TAFA2: variants seen among roughly 807,000 people sequenced by gnomAD.
TAFA2 encodes chemokine-like protein TAFA-2.
A neutral mutation model predicts 18.8 loss-of-function variants in TAFA2; 7 were observed. The ratio of observed to expected loss-of-function variants is 0.37; its 90% CI spans 0.21 to 0.70. TAFA2 has a LOEUF of 0.70. TAFA2 is among the 30% of genes least tolerant of loss of function. The probability of loss-of-function intolerance (pLI) is 0.53; values close to 1 mark genes in which losing one functional copy is unlikely to be tolerated. For missense variants in TAFA2, 122 were observed against 158.1 expected (o/e 0.77, Z 1.23); for synonymous variants, 60 against 54.2 (o/e 1.11, Z -0.47).
chr12:61,778,091 C>T (rs1565630602), intron 2 of TAFA2, among the ~76,000 whole-genome samples: 1 of 151,722 alleles, frequency 6.6e-6, no homozygotes, highest in African/African-American at 2.4e-5. Flanking sequence ...TCTCAGGTGA[C>T]TCAGTGTTAA....
chr12:62,147,466 C>T (rs1164588281), intron 1 of TAFA2, among the ~76,000 whole-genome samples: 3 of 149,830 alleles, frequency 2.0e-5, no homozygotes, highest in Non-Finnish European at 4.4e-5. Context: ...CATGGTGGCT[C>T]ACGCCTGTAA....
At chr12:62,118,499 C>T (rs369940224) in intron 1 of TAFA2, among the ~76,000 whole-genome samples, 1 of 151,966 alleles carries the variant, frequency 6.6e-6, no homozygotes, top group Non-Finnish European at 1.5e-5. Context: ...GAGTATAATT[C>T]TGAAGTCATA....
chr12:61,969,511 A>C (rs1201113958), intron 1 of TAFA2, among the ~76,000 whole-genome samples: 1 of 151,702 alleles, frequency 6.6e-6, no homozygotes, highest in Non-Finnish European at 1.5e-5. Context: ...GAGTGCCTAA[A>C]TCTTATATTC....
chr12:62,099,268 A>T (rs9668833), intron 1 of TAFA2, among the ~76,000 whole-genome samples: 28,279 of 152,122 alleles, frequency 0.19, 2,881 homozygotes, highest in East Asian at 0.39. Flanking sequence ...AATGAAAAAA[A>T]AAGTGAATTG....
intron 2 of TAFA2, among the ~76,000 whole-genome samples, chr12:61,823,618 G>A (rs1565646451): frequency 6.6e-6 from 1 of 152,056 alleles, no homozygotes; most frequent in Non-Finnish European, 1.5e-5. Context: ...ATTCTGCATT[G>A]GTGTAACTCC....
intron 1 of TAFA2, among the ~76,000 whole-genome samples, chr12:62,189,608 G>A (rs1163710190): frequency 6.6e-6 from 1 of 152,182 alleles, no homozygotes; most frequent in East Asian, 1.9e-4. Context: ...AAAGGCTGGG[G>A]TAAGTACAAA....
rs988003625 is a variant in TAFA2, at chr12:61,828,849, T to C, written c.106+38471A>G. On this transcript the variant is annotated intron_variant, in intron 2 of 4. Transcript: ENST00000416284. Reference sequence around the variant, plus strand: ...TCAAATTGATTTTAATCAAATCTCTTGGCCTTCACCAACAGTAGCTTTCAG... The same window carrying C: ...TCAAATTGATTTTAATCAAATCTCTCGGCCTTCACCAACAGTAGCTTTCAG... Among the ~76,000 whole-genome samples the C allele has an allele frequency of 9.9e-5, 15 of 151,804 alleles. 1 individual carries two copies. The highest frequency in any genetic ancestry group is 7.4e-5 in the Non-Finnish European group (5 of 67,766).
intron 1 of TAFA2, among the ~76,000 whole-genome samples, chr12:61,992,018 T>G (rs537407779): frequency 1.3e-5 from 2 of 152,302 alleles, no homozygotes; most frequent in South Asian, 4.1e-4. Context: ...CCTCTAAACG[T>G]TCATATAACT....
chr12:62,113,163 GT>G (rs1206015604), intron 1 of TAFA2, among the ~76,000 whole-genome samples: 3 of 152,106 alleles, frequency 2.0e-5, no homozygotes, highest in African/African-American at 7.2e-5. Context: ...CGGATCGGGT[GT>G]TTGTGTGGCT....
At chr12:61,866,683 G>A (rs1466259393) in intron 2 of TAFA2, among the ~76,000 whole-genome samples, 2 of 152,202 alleles carry the variant, frequency 1.3e-5, no homozygotes, top group East Asian at 3.9e-4. Flanking sequence ...CTGTTCAGTG[G>A]CAGAATTGAG....
chr12:61,876,613 C>T (rs551044293), intron 1 of TAFA2, among the ~76,000 whole-genome samples: 2 of 152,074 alleles, frequency 1.3e-5, no homozygotes, highest in East Asian at 1.9e-4. Flanking sequence ...GTTGCATATC[C>T]GAAGGCCTCT....
intron 2 of TAFA2, among the ~76,000 whole-genome samples, chr12:61,864,349 T>G (rs1874253689): frequency 6.7e-6 from 1 of 149,426 alleles, no homozygotes; most frequent in African/African-American, 2.4e-5. Flanking sequence ...ATATATGGTA[T>G]ATATTTCTAT....
At chr12:61,962,929 T>C (rs1380887846) in intron 1 of TAFA2, among the ~76,000 whole-genome samples, 1 of 151,864 alleles carries the variant, frequency 6.6e-6, no homozygotes, top group East Asian at 1.9e-4. Context: ...GCTGTGTCCA[T>C]GTGTTCTCAC....
intron 1 of TAFA2, among the ~76,000 whole-genome samples, chr12:62,097,682 A>T (rs1869010658): frequency 6.6e-6 from 1 of 152,184 alleles, no homozygotes; most frequent in Admixed American, 6.5e-5. Context: ...TTACAGGGAC[A>T]TTGCAGTAAT....
chr12:61,970,392 A>G (rs1879207345), intron 1 of TAFA2, among the ~76,000 whole-genome samples: 1 of 151,622 alleles, frequency 6.6e-6, no homozygotes, highest in Admixed American at 6.6e-5. Context: ...ACAAAAGAAA[A>G]AATACAATGT....
At chr12:62,071,997 G>A (rs894744899) in intron 1 of TAFA2, among the ~76,000 whole-genome samples, 3 of 152,064 alleles carry the variant, frequency 2.0e-5, no homozygotes, top group Admixed American at 6.5e-5. Context: ...CATAAGCAAG[G>A]CAACTAAACT....
chr12:61,878,548 T>C (rs561830198), intron 1 of TAFA2, among the ~76,000 whole-genome samples: 19 of 152,192 alleles, frequency 1.2e-4, no homozygotes, highest in Non-Finnish European at 2.8e-4. Context: ...ACTACTTTAT[T>C]TCCAGCATTT....
chr12:61,998,838 C>T (rs578128903), intron 1 of TAFA2, among the ~76,000 whole-genome samples: 3 of 152,328 alleles, frequency 2.0e-5, no homozygotes, highest in Admixed American at 2.0e-4. Flanking sequence ...GCTAATTCTA[C>T]CAACTGCAGG....
chr12:62,027,472 CA>C (rs1450199148), intron 1 of TAFA2, among the ~76,000 whole-genome samples: 2 of 151,988 alleles, frequency 1.3e-5, no homozygotes, highest in African/African-American at 4.8e-5. Context: ...ACAAACAAAG[CA>C]AAAAACATTC....
Sources: allele counts gnomAD v4.1 joint callset (sites outside exome capture counted in the v4.1 genomes callset), GRCh38; gene constraint gnomAD v4.1.1; transcripts MANE v1.5; gene names NCBI Gene and HGNC (gene_info 2026-07-23, HGNC 2026-07-21).